TXNRD3: variants seen among roughly 807,000 people sequenced by gnomAD.
The protein encoded by TXNRD3 is TXNRD3 neighbor gene protein.
A neutral mutation model predicts 78.2 loss-of-function variants in TXNRD3; 68 were observed. That is an observed-to-expected ratio of 0.87 (90% CI 0.72 to 1.06). TXNRD3 has a LOEUF of 1.06. TXNRD3 is among the 50% of genes least tolerant of loss of function. The pLI is 0.00. For missense variants in TXNRD3, 751 were observed against 809.5 expected (o/e 0.93, Z 0.88); for synonymous variants, 296 against 300.1 (o/e 0.99, Z 0.14).
intron 10 of TXNRD3, among the ~76,000 whole-genome samples, chr3:126,623,532 T>G (rs1217675849): frequency 2.0e-5 from 3 of 152,182 alleles, no homozygotes; most frequent in Admixed American, 6.5e-5. Context: ...AAATGCAAAT[T>G]TGGTTTAACA....
chr3:126,652,660 T>C (rs1197748208), intron 1 of TXNRD3, among the ~76,000 whole-genome samples: 4 of 152,180 alleles, frequency 2.6e-5, no homozygotes, highest in African/African-American at 9.7e-5. Context: ...ATCTACATTT[T>C]CCCAGTCACA....
At position 126,644,314 on chromosome 3, in the gene TXNRD3, C is replaced by T. The variant is rs1222229569; in HGVS notation, c.502G>A (p.Gly168Ser). ...ATTCATACCTTCGCACATGAAAGGC[C>T]TCCAGAACCACCACCGATGATGATG... Residue 168 changes from glycine (G) to serine (S), a missense_variant, in exon 4 of 16, where the codon GGC becomes AGC. Transcript: ENST00000524230. 1.3e-6 allele frequency: 2 copies of T among 1,536,392 alleles called. No individual in the cohort carries two copies. Among genetic ancestry groups the T allele is most frequent in the Non-Finnish European group, 8.7e-7 (1 of 1,146,972 alleles).
chr3:126,629,407 G>T lies in TXNRD3; in HGVS notation c.1262C>A (p.Thr421Lys). Residue 421 changes from threonine (T) to lysine (K), a missense_variant, in exon 10 of 16, where the codon ACA becomes AAA. Thr to Lys is a moderately conservative substitution (Grantham distance 78, BLOSUM62 -1). Transcript: ENST00000524230. ...GTTATAGACTCCTTCAATTGTTTCTGTTCCTTCAGTGGATTTAGCCAACAC... is the reference window on the plus strand; with the variant it reads ...GTTATAGACTCCTTCAATTGTTTCTTTTCCTTCAGTGGATTTAGCCAACAC... 1 of 1,535,466 alleles carries T rather than the reference G, an allele frequency of 6.5e-7. No homozygotes were observed. The highest frequency in any genetic ancestry group is 8.7e-7 in the Non-Finnish European group (1 of 1,146,476).
chr3:126,646,800 A>C (rs1170740992), intron 2 of TXNRD3, among the ~76,000 whole-genome samples: 2 of 152,230 alleles, frequency 1.3e-5, no homozygotes, highest in South Asian at 2.1e-4. Context: ...AAAACTCCTT[A>C]TGTGTAAAGT....
At chr3:126,626,323 T>A (rs1181914916) in intron 10 of TXNRD3, among the ~76,000 whole-genome samples, 1 of 152,134 alleles carries the variant, frequency 6.6e-6, no homozygotes, top group Non-Finnish European at 1.5e-5. Context: ...CATTTAAAAC[T>A]ACTGTTAACC....
At chr3:126,623,986 C>T (rs914317398) in intron 10 of TXNRD3, among the ~76,000 whole-genome samples, 11 of 151,770 alleles carry the variant, frequency 7.2e-5, no homozygotes, top group African/African-American at 2.7e-4. Context: ...ACACTACCAA[C>T]CAACCATTTA....
chr3:126,639,570 A>T (rs1271391100), intron 6 of TXNRD3, among the ~76,000 whole-genome samples: 3 of 152,026 alleles, frequency 2.0e-5, no homozygotes, highest in Non-Finnish European at 4.4e-5. Context: ...GGGAAAAGAA[A>T]GATTTTTTTC....
At chr3:126,608,356 G>A in intron 15 of TXNRD3, 143 bp downstream of exon 15, 1 of 1,016,398 alleles carries the variant, frequency 9.8e-7, no homozygotes. Flanking sequence ...GTGAGACCCT[G>A]TCTGAAAAAA....
intron 10 of TXNRD3, among the ~76,000 whole-genome samples, chr3:126,627,115 C>T: frequency 6.6e-6 from 1 of 152,038 alleles, no homozygotes; most frequent in East Asian, 1.9e-4. Flanking sequence ...AAAAAGCTTT[C>T]CACAAAGAAT....
chr3:126,615,128 AG>A (rs1025895842), intron 13 of TXNRD3, among the ~76,000 whole-genome samples: 2 of 152,206 alleles, frequency 1.3e-5, no homozygotes, highest in South Asian at 4.1e-4. Context: ...TTGTAATTCA[AG>A]TGTCCTGACT....
At chr3:126,650,687 C>G (rs1338753174) in intron 1 of TXNRD3, among the ~76,000 whole-genome samples, 2 of 152,074 alleles carry the variant, frequency 1.3e-5, no homozygotes, top group Non-Finnish European at 2.9e-5. Flanking sequence ...AACTAAACTT[C>G]CAGCCATTTT....
At chr3:126,640,864 T>C (rs2107624446) in intron 6 of TXNRD3, among the ~76,000 whole-genome samples, 1 of 146,990 alleles carries the variant, frequency 6.8e-6, no homozygotes, top group East Asian at 2.0e-4. Context: ...GAGTAACTTG[T>C]GTAAAAAAAA....
intron 14 of TXNRD3, among the ~76,000 whole-genome samples, chr3:126,609,455 G>A (rs1373190325): frequency 1.3e-5 from 2 of 152,142 alleles, no homozygotes; most frequent in Non-Finnish European, 2.9e-5. Flanking sequence ...AGGGCCCACA[G>A]AAGACTACTG....
intron 12 of TXNRD3, among the ~76,000 whole-genome samples, chr3:126,620,604 G>A (rs1330418295): frequency 5.9e-5 from 9 of 152,156 alleles, no homozygotes; most frequent in Admixed American, 5.9e-4. Context: ...GGGGAATCTG[G>A]GTGAAAGGTT....
rs1938790969 is a variant in TXNRD3, at chr3:126,634,014, C to T, written c.750G>A (p.Gln250=). 11 of 1,524,100 alleles carry T rather than the reference C, an allele frequency of 7.2e-6. No individual in the cohort carries two copies. The South Asian group carries it at 1.3e-4, about 19-fold the overall frequency. The allele number at this position is 1,524,100 out of a possible 1,614,324, so 94.4% of individuals were successfully genotyped here. A position where few individuals can be genotyped will look rare whatever the true frequency, so the allele number is the denominator to read the frequency against. ...CCCAGTTTAGAGAGCTGATGTGGTT[C>T]TGAATCGCTTTTGTCATTGTCTCCC... Residue 250 remains glutamine, a synonymous_variant, in exon 7 of 16, where the codon CAG becomes CAA. Coordinates refer to ENST00000524230, the MANE Select transcript of TXNRD3 (RefSeq NM_052883.3).
Position 126,631,894 on chromosome 3 carries a change from A to C in TXNRD3, c.856-15T>G. The C allele has an allele frequency of 2.0e-6, 3 of 1,508,390 alleles. No homozygotes were observed. The highest frequency in any genetic ancestry group is 2.7e-6 in the Non-Finnish European group (3 of 1,121,450). 93.4% of individuals were successfully genotyped at this position (1,508,390 alleles called of 1,614,324 possible). On this transcript the variant is annotated splice_polypyrimidine_tract_variant and intron_variant, in intron 7 of 15. Coordinates refer to ENST00000524230, the MANE Select transcript of TXNRD3 (RefSeq NM_052883.3). ...TTATTGGTTGCCTTGAAAAAAGAGA[A>C]GTAAACCTCACTTAGCAAACACTAC...
Position 126,607,868 on chromosome 3 carries a change from A to G in TXNRD3, c.*37T>C. On this transcript the variant is annotated 3_prime_UTR_variant, in exon 16 of 16. Transcript: ENST00000524230. ...GAGAGCATTCTTATCTTTGAGAGAAATGAGAATATGACAAGGAGAACTAAA... is the reference window on the plus strand; with the variant it reads ...GAGAGCATTCTTATCTTTGAGAGAAGTGAGAATATGACAAGGAGAACTAAA... The G allele has an allele frequency of 6.8e-7, 1 of 1,465,512 alleles. No individual in the cohort carries two copies. Among genetic ancestry groups the G allele is most frequent in the Non-Finnish European group, 9.1e-7 (1 of 1,093,488 alleles). 90.8% of individuals were successfully genotyped at this position (1,465,512 alleles called of 1,614,324 possible). A position where few individuals can be genotyped will look rare whatever the true frequency, so the allele number is the denominator to read the frequency against.
chr3:126,644,085 A>C, intron 4 of TXNRD3, 32 bp from the exon 5 acceptor site: 2 of 1,532,238 alleles, frequency 1.3e-6, no homozygotes, highest in Non-Finnish European at 1.7e-6. Flanking sequence ...AATTACGTAT[A>C]AAGATCTTGT....
chr3:126,629,883 T>C (rs1938669386), intron 9 of TXNRD3, among the ~76,000 whole-genome samples: 1 of 152,216 alleles, frequency 6.6e-6, no homozygotes, highest in African/African-American at 2.4e-5. Flanking sequence ...CAATTTCTAG[T>C]AGGCAGTAGT....
Sources: allele counts gnomAD v4.1 joint callset (sites outside exome capture counted in the v4.1 genomes callset), GRCh38; gene constraint gnomAD v4.1.1; transcripts MANE v1.5; gene names NCBI Gene and HGNC (gene_info 2026-07-23, HGNC 2026-07-21).